The following FAM83B variants were observed in gnomAD, a reference collection of about 807,000 sequenced individuals.
FAM83B encodes protein FAM83B.
In FAM83B, 26 loss-of-function variants were observed where a neutral mutation model predicts 38.8. The ratio of observed to expected loss-of-function variants is 0.67; its 90% confidence interval spans 0.49 to 0.93. The LOEUF (loss-of-function observed/expected upper bound fraction) is 0.93, where lower values mean the gene tolerates loss of function less well. Among genes scored for constraint, FAM83B ranks in the 40% least tolerant of loss-of-function variants. The probability of loss-of-function intolerance (pLI) is 0.00; values close to 1 mark genes in which losing one functional copy is unlikely to be tolerated. For missense variants in FAM83B, 1,237 were observed against 1,197.3 expected, an observed-to-expected ratio of 1.03 and a Z score of -0.49; for synonymous variants, 419 against 423.1, an observed-to-expected ratio of 0.99 and a Z score of 0.12.
Position 54,939,892 on chromosome 6 carries a change from G to A in FAM83B, c.921G>A (p.Gln307=). 6.2e-7 allele frequency: 1 copy of A among 1,614,004 alleles called. No individual in the cohort carries two copies. The highest frequency in any genetic ancestry group is 8.5e-7 in the Non-Finnish European group (1 of 1,179,962). Residue 307 remains glutamine (Q), a synonymous_variant, in exon 5 of 5, where the codon CAG becomes CAA. Coordinates refer to ENST00000306858, the MANE Select transcript of FAM83B (RefSeq NM_001010872.3). ...GKALWENGTY[Q]HSVSSLASVS... ...CCCTCTGGGAAAATGGCACTTACCAGCATTCGGTGTCTTCATTAGCATCTG... is the reference window on the plus strand; with the variant it reads ...CCCTCTGGGAAAATGGCACTTACCAACATTCGGTGTCTTCATTAGCATCTG...
intron 1 of FAM83B, among the ~76,000 whole-genome samples, chr6:54,856,237 G>A (rs545660032): frequency 3.9e-5 from 6 of 152,276 alleles, no homozygotes; most frequent in East Asian, 1.9e-4. Flanking sequence ...TGTGCAGAGC[G>A]ATAAGTCAAC....
Position 54,942,625 on chromosome 6 carries a change from G to A in FAM83B, c.*618G>A, listed in dbSNP as rs1158356654. ...AGCCTCATGTAGTATAATGACATTC[G>A]TAGGAATTTATTTTCCTCAGCCTTT... On this transcript the variant is annotated 3_prime_UTR_variant, in exon 5 of 5. Coordinates refer to ENST00000306858, the MANE Select transcript of FAM83B (RefSeq NM_001010872.3). 2.0e-5 allele frequency among the ~76,000 whole-genome samples: 3 copies of A among 151,370 alleles called. No homozygotes were observed. Among genetic ancestry groups the A allele is most frequent in the African/African-American group, 4.9e-5 (2 of 40,974 alleles).
chr6:54,873,186 CTGTGCTAGTT>C (rs942506661), intron 2 of FAM83B, among the ~76,000 whole-genome samples: 3 of 151,708 alleles, frequency 2.0e-5, no homozygotes, highest in African/African-American at 7.3e-5. Context: ...GTGTTAGGGA[CTGTGCTAGTT>C]TCTACCCAGA....
Position 54,941,795 on chromosome 6 carries a change from A to G in FAM83B, c.2824A>G (p.Lys942Glu), listed in dbSNP as rs201702753. The change falls in exon 5 of 5, where the codon AAG (lysine) becomes GAG (glutamate). Residue 942 changes from lysine to glutamate, a missense_variant. Lys to Glu is a moderately conservative substitution (Grantham distance 56). Transcript: ENST00000306858. Reference sequence around the variant, plus strand: ...TTACAGTCGTTTTGAGCCGTTTTGTAAGATTGAGAGCTCTATTCAGCCAAC... The same window carrying G: ...TTACAGTCGTTTTGAGCCGTTTTGTGAGATTGAGAGCTCTATTCAGCCAAC... ...RVYSRFEPFCKIESSIQPTSN... is the reference protein window; with the variant it reads ...RVYSRFEPFCEIESSIQPTSN... 6.5e-5 allele frequency: 103 copies of G among 1,584,484 alleles called. No individual in the cohort carries two copies. The highest frequency in any genetic ancestry group is 8.5e-5 in the Non-Finnish European group (99 of 1,159,044).
intron 4 of FAM83B, among the ~76,000 whole-genome samples, chr6:54,934,379 C>T (rs932812739): frequency 6.6e-6 from 1 of 152,092 alleles, no homozygotes; most frequent in Non-Finnish European, 1.5e-5. Flanking sequence ...TGCTTATCAA[C>T]GTTTGAGTTT....
intron 2 of FAM83B, among the ~76,000 whole-genome samples, chr6:54,923,771 G>A (rs1773222577): frequency 6.6e-6 from 1 of 151,786 alleles, no homozygotes; most frequent in Non-Finnish European, 1.5e-5. Context: ...TCCCCCAGCA[G>A]CATCTGCACC....
chr6:54,927,722 TAAAAGTAAAAA>T, intron 4 of FAM83B, 90 bp downstream of exon 4: 1 of 341,506 alleles, frequency 2.9e-6, no homozygotes, highest in Non-Finnish European at 4.1e-6. Context: ...AGCTTTTTCT[TAAAAGTAAAAA>T]AAAAAAAAAA....
intron 2 of FAM83B, among the ~76,000 whole-genome samples, chr6:54,912,318 G>A (rs892742607): frequency 6.0e-5 from 9 of 151,022 alleles, no homozygotes; most frequent in Non-Finnish European, 1.2e-4. Flanking sequence ...TGTAAAATAC[G>A]TAATAAACAG....
chr6:54,940,065 A>G lies in FAM83B; in HGVS notation c.1094A>G (p.Asn365Ser), dbSNP rs892715938. The G allele has an allele frequency of 6.2e-7, 1 of 1,613,924 alleles. No individual in the cohort carries two copies. Among genetic ancestry groups the G allele is most frequent in the Non-Finnish European group, 8.5e-7 (1 of 1,179,994 alleles). The change falls in exon 5 of 5, where the codon AAC (asparagine) becomes AGC (serine). Residue 365 changes from asparagine (N) to serine (S), a missense_variant. Transcript: ENST00000306858. ...SHGYKPHFVP[N>S]FNGPNAIRQF... ...GGATACAAACCTCATTTTGTTCCTA[A>G]CTTTAATGGTCCAAACGCAATACGT...
At chr6:54,869,489 T>A (rs1365895032) in intron 1 of FAM83B, among the ~76,000 whole-genome samples, 1 of 152,128 alleles carries the variant, frequency 6.6e-6, no homozygotes, top group Non-Finnish European at 1.5e-5. Context: ...TTTTCTTTAA[T>A]TTTTTTCTTC....
Position 54,851,429 on chromosome 6 carries a change from C to G in FAM83B, c.-61+4603C>G, listed in dbSNP as rs543112844. Among the ~76,000 whole-genome samples, 366 of 152,118 alleles carry G rather than the reference C, an allele frequency of 2.4e-3. 2 individuals carry two copies. The highest frequency in any genetic ancestry group is 8.4e-3 in the African/African-American group (348 of 41,512). ...TCTATTTATTTGTCCATTTCACCATCTGTTGAACTACCTATTTATTTACAT... is the reference window on the plus strand; with the variant it reads ...TCTATTTATTTGTCCATTTCACCATGTGTTGAACTACCTATTTATTTACAT... On this transcript the variant is annotated intron_variant, in intron 1 of 4. Coordinates refer to ENST00000306858, the MANE Select transcript of FAM83B (RefSeq NM_001010872.3).
At chr6:54,906,053 GAA>G (rs61141294) in intron 2 of FAM83B, among the ~76,000 whole-genome samples, 27,188 of 128,824 alleles carry the variant, frequency 0.21, 2,685 homozygotes, top group Middle Eastern at 0.32. Flanking sequence ...CCTACTATTC[GAA>G]AAAAAAAAAA....
rs1441784709 is a variant in FAM83B, at chr6:54,904,035, T to C, written c.445-22336T>C. Among the ~76,000 whole-genome samples the C allele has an allele frequency of 2.0e-5, 3 of 151,942 alleles. No individual in the cohort carries two copies. In the East Asian group the frequency reaches 5.8e-4, roughly 29 times the overall value. On this transcript the variant is annotated intron_variant, in intron 2 of 4. Transcript: ENST00000306858. ...TCCTCTGCATCCTAGATTGTTGTTG[T>C]GCCCTCTCATTTGGCCAATATAATT... is the stretch of plus-strand genomic sequence containing the variant.
rs1000002498 is a variant in FAM83B, at chr6:54,928,541, ACT to A, written c.734+916_734+917del. ...GGACTTGATTTGTTACTTTCTGCTA[ACT>A]CTCTCTTTAAGCTCGGGACCTTTTT... On this transcript the variant is annotated intron_variant, in intron 4 of 4. Coordinates refer to ENST00000306858, the MANE Select transcript of FAM83B (RefSeq NM_001010872.3). Among the ~76,000 whole-genome samples the A allele has an allele frequency of 3.3e-5, 5 of 152,034 alleles. No individual in the cohort carries two copies. In the South Asian group the frequency reaches 6.2e-4, roughly 19 times the overall value.
At chr6:54,937,487 A>G (rs556848127) in intron 4 of FAM83B, among the ~76,000 whole-genome samples, 2 of 152,218 alleles carry the variant, frequency 1.3e-5, no homozygotes, top group East Asian at 3.9e-4. Context: ...CCCTTTAATG[A>G]TTGAGGCAGC....
chr6:54,877,620 A>T (rs2127577069), intron 2 of FAM83B, among the ~76,000 whole-genome samples: 1 of 152,364 alleles, frequency 6.6e-6, no homozygotes, highest in East Asian at 1.9e-4. Flanking sequence ...TATGCAATTT[A>T]GTAACAATAT....
chr6:54,934,105 T>C (rs562673073), intron 4 of FAM83B, among the ~76,000 whole-genome samples: 1 of 152,272 alleles, frequency 6.6e-6, no homozygotes, highest in South Asian at 2.1e-4. Flanking sequence ...AACTAGTGTC[T>C]CTATGGGGTA....
chr6:54,932,007 C>CTT (rs377085448), intron 4 of FAM83B, among the ~76,000 whole-genome samples: 8,301 of 89,168 alleles, frequency 0.093, 1,123 homozygotes, highest in African/African-American at 0.22. Context: ...TTACATAAAA[C>CTT]TTTTTTTTTT....
rs527422747 is a variant in FAM83B, at chr6:54,855,719, C to T, written c.-61+8893C>T. On this transcript the variant is annotated intron_variant, in intron 1 of 4. Coordinates refer to ENST00000306858, the MANE Select transcript of FAM83B (RefSeq NM_001010872.3). ...AGGTCATTAGATCCAAAATGTGATT[C>T]CACAGAAATTTGGGGTGGATCCAAA... Among the ~76,000 whole-genome samples, 3 of 152,214 alleles carry T rather than the reference C, an allele frequency of 2.0e-5. No individual in the cohort carries two copies. The East Asian group carries it at 5.8e-4, about 29-fold the overall frequency.
Sources: gnomAD v4.1 joint callset for allele counts (sites outside exome capture counted in the v4.1 genomes callset) on GRCh38, gnomAD v4.1.1 for gene constraint, MANE v1.5 for transcripts, NCBI Gene and HGNC (gene_info 2026-07-23, HGNC 2026-07-21) for gene names.